FNDC3A: variants seen among roughly 807,000 people sequenced by gnomAD.
FNDC3A encodes fibronectin type-III domain-containing protein 3A.
FNDC3A carries 32 observed loss-of-function variants against 148.9 expected under a neutral mutation model. That is an observed-to-expected ratio of 0.21 (90% CI 0.16 to 0.29). The LOEUF is 0.29. Among genes scored for constraint, FNDC3A ranks in the 10% least tolerant of loss-of-function variants. FNDC3A has a pLI of 1.00. For missense variants in FNDC3A, 1,191 were observed against 1,452.8 expected (o/e 0.82, Z 2.93); for synonymous variants, 472 against 473.6 (o/e 1.00, Z 0.04).
In FNDC3A at chr13:49,145,404, C is replaced by T. The variant is rs181227220; in HGVS notation, c.820-374C>T. Among the ~76,000 whole-genome samples, 8 of 152,278 alleles carry T rather than the reference C, an allele frequency of 5.3e-5. No homozygotes were observed. In the East Asian group the frequency reaches 1.2e-3, roughly 22 times the overall value. ...TTTATATTTACATATCTTTGGATGT[C>T]GATGTCCTTTGCTCATTTTTCTCTT... On this transcript the variant is annotated intron_variant, in intron 7 of 25. Coordinates refer to ENST00000492622, the MANE Select transcript of FNDC3A (RefSeq NM_001079673.2).
At chr13:49,046,547 CA>C (rs1383198406) in intron 2 of FNDC3A, 10 of 160,538 alleles carry the variant, frequency 6.2e-5, no homozygotes, top group African/African-American at 1.2e-4. Flanking sequence ...TTCTGCACAT[CA>C]AGTTCATGCA....
chr13:49,024,460 G>A (rs1873554096), intron 2 of FNDC3A, among the ~76,000 whole-genome samples: 4 of 151,810 alleles, frequency 2.6e-5, no homozygotes, highest in Non-Finnish European at 5.9e-5. Flanking sequence ...GATGGACATA[G>A]ACACAAAAAT....
chr13:49,038,549 A>G (rs757323692), intron 2 of FNDC3A, among the ~76,000 whole-genome samples: 47 of 152,234 alleles, frequency 3.1e-4, no homozygotes, highest in Admixed American at 2.8e-3. Context: ...TGAGACCTCT[A>G]GCCTTCAAAA....
intron 14 of FNDC3A, among the ~76,000 whole-genome samples, chr13:49,180,757 T>C (rs895851893): frequency 2.0e-5 from 3 of 152,138 alleles, no homozygotes; most frequent in African/African-American, 7.2e-5. Context: ...AGGCCAGGCA[T>C]GGTGGCTCAC....
chr13:49,102,762 C>T (rs528847434), intron 3 of FNDC3A, among the ~76,000 whole-genome samples: 1 of 152,286 alleles, frequency 6.6e-6, no homozygotes, highest in Non-Finnish European at 1.5e-5. Context: ...TATAGGAATG[C>T]ATTATGCAGT....
In FNDC3A at chr13:49,178,678, G is replaced by A. The variant is rs183178250; in HGVS notation, c.1617+24G>A. 490 of 1,298,726 alleles carry A rather than the reference G, an allele frequency of 3.8e-4. 5 individuals are homozygous for A. The East Asian group carries it at 8.1e-3, about 21-fold the overall frequency. 80.5% of individuals were successfully genotyped at this position (1,298,726 alleles called of 1,614,324 possible). ...AGGTAAGCTTTGAAAACCCTTAAAC[G>A]ATTTGTTCCTTGTTCCTATTCTTAC... is the stretch of plus-strand genomic sequence containing the variant. On this transcript the variant is annotated intron_variant, in intron 14 of 25. Transcript: ENST00000492622.
At chr13:49,145,051 A>G (rs922068829) in intron 7 of FNDC3A, among the ~76,000 whole-genome samples, 9 of 152,122 alleles carry the variant, frequency 5.9e-5, no homozygotes, top group African/African-American at 1.4e-4. Flanking sequence ...TAATGCTGCA[A>G]TGAACATTCT....
chr13:49,064,052 G>C (rs1273297116), intron 2 of FNDC3A, among the ~76,000 whole-genome samples: 1 of 152,136 alleles, frequency 6.6e-6, no homozygotes, highest in Non-Finnish European at 1.5e-5. Context: ...TCAATAAATA[G>C]TCTGTGGAGG....
chr13:49,140,835 A>T (rs533896096), intron 7 of FNDC3A, among the ~76,000 whole-genome samples: 295 of 152,336 alleles, frequency 1.9e-3, no homozygotes, highest in Non-Finnish European at 2.9e-3. Flanking sequence ...GAGCAGTCAG[A>T]GTGTGTAATA....
At chr13:48,976,406 G>C (rs1394147282) in intron 1 of FNDC3A, among the ~76,000 whole-genome samples, 8 of 152,176 alleles carry the variant, frequency 5.3e-5, no homozygotes, top group Non-Finnish European at 1.2e-4. Flanking sequence ...TCTACTAGTC[G>C]GGCACCTGCC....
At chr13:48,991,251 C>G (rs543580410) in intron 1 of FNDC3A, among the ~76,000 whole-genome samples, 5 of 152,282 alleles carry the variant, frequency 3.3e-5, no homozygotes, top group Non-Finnish European at 7.3e-5. Context: ...CATGCTTACA[C>G]TATCCAAAAG....
chr13:49,089,424 AGAT>A (rs1189438911), intron 3 of FNDC3A, among the ~76,000 whole-genome samples: 15 of 152,342 alleles, frequency 9.8e-5, no homozygotes, highest in Middle Eastern at 3.4e-3. Flanking sequence ...TGCATGGTAC[AGAT>A]GACTTTTAAG....
chr13:48,977,834 AT>A (rs993353954), intron 1 of FNDC3A, among the ~76,000 whole-genome samples: 2 of 151,956 alleles, frequency 1.3e-5, no homozygotes, highest in Admixed American at 1.3e-4. Flanking sequence ...ATTTTACTAT[AT>A]TGTCTTGTTT....
chr13:49,170,911 A>G (rs1884721830), intron 10 of FNDC3A, among the ~76,000 whole-genome samples: 1 of 152,188 alleles, frequency 6.6e-6, no homozygotes, highest in Non-Finnish European at 1.5e-5. Context: ...CAACTAGACT[A>G]GAGCAATCTG....
intron 1 of FNDC3A, among the ~76,000 whole-genome samples, chr13:48,993,626 G>C (rs1566178727): frequency 6.6e-6 from 1 of 152,072 alleles, no homozygotes; most frequent in Non-Finnish European, 1.5e-5. Flanking sequence ...TTGAATGCTA[G>C]TAACACATGC....
At chr13:49,172,609 C>G (rs1215801176) in intron 11 of FNDC3A, among the ~76,000 whole-genome samples, 1 of 152,142 alleles carries the variant, frequency 6.6e-6, no homozygotes. Context: ...CGTTTTCTCC[C>G]CTTGTTTCCA....
At chr13:49,015,039 T>A (rs2137623653) in intron 2 of FNDC3A, among the ~76,000 whole-genome samples, 1 of 152,278 alleles carries the variant, frequency 6.6e-6, no homozygotes, top group Non-Finnish European at 1.5e-5. Flanking sequence ...GCGTGATGCC[T>A]CCAGCTTTGT....
Position 49,075,374 on chromosome 13 carries a change from G to C in FNDC3A, c.175+10G>C, listed in dbSNP as rs746032458. On this transcript the variant is annotated intron_variant, in intron 3 of 25. Transcript: ENST00000492622. Reference sequence around the variant, plus strand: ...TTTCAGTGCATTACAGGTAAGAATGGTAATTGAGAATAATCATTTGAGACC... The same window carrying C: ...TTTCAGTGCATTACAGGTAAGAATGCTAATTGAGAATAATCATTTGAGACC... 2.6e-6 allele frequency: 4 copies of C among 1,514,342 alleles called. No individual in the cohort carries two copies. The Admixed American group carries it at 6.8e-5, about 26-fold the overall frequency. The allele number at this position is 1,514,342 out of a possible 1,614,324, so 93.8% of individuals were successfully genotyped here. A position where few individuals can be genotyped will look rare whatever the true frequency, so the allele number is the denominator to read the frequency against.
intron 2 of FNDC3A, among the ~76,000 whole-genome samples, chr13:49,056,487 G>C (rs184219820): frequency 2.8e-4 from 42 of 152,252 alleles, no homozygotes; most frequent in Admixed American, 1.7e-3. Flanking sequence ...GAGAATTCAT[G>C]TCATTAAGTC....
Sources: gnomAD v4.1 joint callset for allele counts (sites outside exome capture counted in the v4.1 genomes callset) on GRCh38, gnomAD v4.1.1 for gene constraint, MANE v1.5 for transcripts, NCBI Gene and HGNC (gene_info 2026-07-23, HGNC 2026-07-21) for gene names.